Variants in DOCK3 observed in about 807,000 individuals in gnomAD.
DOCK3 encodes the protein dedicator of cytokinesis protein 3.
A neutral mutation model predicts 265.6 loss-of-function variants in DOCK3; 60 were observed. That is an observed-to-expected ratio of 0.23 (90% CI 0.18 to 0.28). The LOEUF (loss-of-function observed/expected upper bound fraction) is 0.28, where lower values mean the gene tolerates loss of function less well. Among genes scored for constraint, DOCK3 ranks in the 10% least tolerant of loss-of-function variants. The pLI, the probability that DOCK3 is intolerant of heterozygous loss-of-function variation, is 1.00. For synonymous variants in DOCK3, 881 were observed against 938.0 expected (o/e 0.94, Z 1.11); for missense variants, 1,981 against 2,594.3 (o/e 0.76, Z 5.14).
At chr3:51,139,060 G>A (rs2084930164) in intron 9 of DOCK3, among the ~76,000 whole-genome samples, 2 of 152,154 alleles carry the variant, frequency 1.3e-5, no homozygotes, top group Admixed American at 1.3e-4. Context: ...AAGACTAATG[G>A]ATAATCTGCC....
intron 5 of DOCK3, among the ~76,000 whole-genome samples, chr3:50,968,325 C>G (rs1226506226): frequency 1.3e-5 from 2 of 152,050 alleles, no homozygotes; most frequent in Non-Finnish European, 2.9e-5. Flanking sequence ...CATCACCATG[C>G]CTACCTCTGT....
At chr3:50,953,791 A>G (rs776291088) in intron 5 of DOCK3, among the ~76,000 whole-genome samples, 3 of 152,274 alleles carry the variant, frequency 2.0e-5, no homozygotes, top group Non-Finnish European at 4.4e-5. Flanking sequence ...GAGAGGCAAC[A>G]AATTGGTAAC....
intron 27 of DOCK3, among the ~76,000 whole-genome samples, chr3:51,291,724 G>C (rs1049573151): frequency 1.9e-4 from 29 of 152,138 alleles, no homozygotes; most frequent in Non-Finnish European, 1.2e-4. Flanking sequence ...TTGAAGAGGA[G>C]GGAATATTTC....
intron 12 of DOCK3, among the ~76,000 whole-genome samples, chr3:51,202,910 C>G (rs1487531516): frequency 6.6e-6 from 1 of 152,014 alleles, no homozygotes; most frequent in Admixed American, 6.5e-5. Flanking sequence ...GAACCAAAGA[C>G]AAAAACCACA....
chr3:50,917,707 A>G (rs2050204799), intron 4 of DOCK3, among the ~76,000 whole-genome samples: 1 of 151,592 alleles, frequency 6.6e-6, no homozygotes, highest in Admixed American at 6.6e-5. Flanking sequence ...AATTTTTTTC[A>G]GTTGTCATGA....
chr3:51,013,677 T>C (rs1249445148), intron 5 of DOCK3, among the ~76,000 whole-genome samples: 1 of 152,180 alleles, frequency 6.6e-6, no homozygotes, highest in African/African-American at 2.4e-5. Flanking sequence ...TGAAACGCCA[T>C]GCTGGGAGAA....
At chr3:51,237,397 G>T in intron 20 of DOCK3, 93 bp from the exon 21 acceptor site, 1 of 1,010,818 alleles carries the variant, frequency 9.9e-7, no homozygotes, top group Non-Finnish European at 1.5e-6. Context: ...CTGACAATTT[G>T]CCATTATTTG....
At chr3:50,777,157 C>G (rs1165900612) in intron 1 of DOCK3, among the ~76,000 whole-genome samples, 1 of 152,132 alleles carries the variant, frequency 6.6e-6, no homozygotes, top group East Asian at 1.9e-4. Context: ...AAGTACAATT[C>G]AAGATGAGAT....
intron 5 of DOCK3, among the ~76,000 whole-genome samples, chr3:51,050,490 GATATAT>G (rs1221800748): frequency 6.6e-6 from 1 of 152,122 alleles, no homozygotes. Context: ...GAATCAATAA[GATATAT>G]ATAGATATAT....
chr3:50,811,186 C>G (rs2043734224), intron 2 of DOCK3, among the ~76,000 whole-genome samples: 1 of 151,794 alleles, frequency 6.6e-6, no homozygotes, highest in Non-Finnish European at 1.5e-5. Context: ...GCCAGGAGTT[C>G]AAGACCAGCC....
At chr3:50,834,633 A>C (rs918267625) in intron 2 of DOCK3, among the ~76,000 whole-genome samples, 1 of 152,202 alleles carries the variant, frequency 6.6e-6, no homozygotes, top group East Asian at 1.9e-4. Context: ...GTCATACTTT[A>C]TAATTTGATT....
At chr3:50,694,524 A>G (rs1010436085) in intron 1 of DOCK3, among the ~76,000 whole-genome samples, 4 of 151,678 alleles carry the variant, frequency 2.6e-5, no homozygotes, top group Non-Finnish European at 5.9e-5. Context: ...AATGGGGCCA[A>G]CAGGCTGGGT....
intron 3 of DOCK3, chr3:50,876,697 T>C (rs2047716961): frequency 6.5e-6 from 1 of 152,908 alleles, no homozygotes; most frequent in South Asian, 2.0e-4. Flanking sequence ...AAGGACATTT[T>C]CCTTCACTTT....
intron 13 of DOCK3, among the ~76,000 whole-genome samples, chr3:51,212,171 A>G (rs191036221): frequency 1.4e-4 from 22 of 152,274 alleles, no homozygotes; most frequent in Non-Finnish European, 4.4e-5. Flanking sequence ...CATTCTTTGC[A>G]TGCCTTTTCA....
intron 12 of DOCK3, among the ~76,000 whole-genome samples, chr3:51,196,169 CAA>C (rs2088284479): frequency 6.6e-6 from 1 of 151,720 alleles, no homozygotes; most frequent in African/African-American, 2.4e-5. Context: ...CTCCTGGACT[CAA>C]GTAGGCCTCC....
intron 1 of DOCK3, among the ~76,000 whole-genome samples, chr3:50,762,242 A>T (rs2040579457): frequency 6.6e-6 from 1 of 152,040 alleles, no homozygotes; most frequent in African/African-American, 2.4e-5. Context: ...GTACCCTAGA[A>T]CTTAAAGTAT....
At chr3:51,116,450 CAAA>C (rs55898136) in intron 9 of DOCK3, among the ~76,000 whole-genome samples, 10 of 54,974 alleles carry the variant, frequency 1.8e-4, no homozygotes, top group East Asian at 1.3e-3. Flanking sequence ...GACTCCATCT[CAAA>C]AAAAAAAAAA....
chr3:51,170,188 G>A (rs2086605599), intron 12 of DOCK3, among the ~76,000 whole-genome samples: 3 of 152,130 alleles, frequency 2.0e-5, no homozygotes. Flanking sequence ...CTAGTCCCAA[G>A]CATTTTAGAT....
At chr3:51,091,211 G>C (rs1469304588) in intron 9 of DOCK3, among the ~76,000 whole-genome samples, 4 of 152,182 alleles carry the variant, frequency 2.6e-5, no homozygotes, top group Admixed American at 2.6e-4. Flanking sequence ...ACTGTTGCAT[G>C]TAGGCAAGAC....
Sources: allele counts gnomAD v4.1 joint callset (sites outside exome capture counted in the v4.1 genomes callset), GRCh38; gene constraint gnomAD v4.1.1; transcripts MANE v1.5; gene names NCBI Gene and HGNC (gene_info 2026-07-23, HGNC 2026-07-21).